Variants in RANBP2 observed in about 807,000 individuals in gnomAD.
The protein encoded by RANBP2 is RAN binding protein 2.
Under a neutral mutation model 303.6 loss-of-function variants are expected in RANBP2, and 57 were observed. The observed-to-expected ratio is 0.19, with a 90% CI of 0.15 to 0.23. The LOEUF is 0.23. Among genes scored for constraint, RANBP2 ranks in the 10% least tolerant of loss-of-function variants. RANBP2 has a pLI of 1.00. For missense variants in RANBP2, 3,138 were observed against 3,780.8 expected (o/e 0.83, Z 4.46); for synonymous variants, 1,167 against 1,301.5 (o/e 0.90, Z 2.23).
At chr2:108,768,899 G>A (rs1336256738) in intron 20 of RANBP2, among the ~76,000 whole-genome samples, 5 of 151,970 alleles carry the variant, frequency 3.3e-5, no homozygotes, top group Non-Finnish European at 5.9e-5. Context: ...CGGGCGTCGT[G>A]GTGCGTGCCT....
At chr2:109,716,469 C>T in the RANBP2 span, among the ~76,000 whole-genome samples, 2 of 152,100 alleles carry the variant, frequency 1.3e-5, no homozygotes, top group Non-Finnish European at 2.9e-5. Flanking sequence ...CCAGGCTGGT[C>T]TCAAACTCCT....
the RANBP2 span, among the ~76,000 whole-genome samples, chr2:108,841,185 T>C: frequency 6.6e-6 from 1 of 152,176 alleles, no homozygotes; most frequent in Non-Finnish European, 1.5e-5. Context: ...ACTCTGTTTT[T>C]CTAGTTTAGT....
the RANBP2 span, among the ~76,000 whole-genome samples, chr2:109,273,688 T>C: frequency 6.6e-5 from 10 of 152,164 alleles, no homozygotes; most frequent in Admixed American, 6.5e-4. Flanking sequence ...GGACACACGT[T>C]GTCAGGGACG....
the RANBP2 span, among the ~76,000 whole-genome samples, chr2:109,041,062 A>C: frequency 9.2e-5 from 14 of 152,296 alleles, no homozygotes; most frequent in African/African-American, 3.4e-4. Flanking sequence ...TCTCAAAAAT[A>C]AAATAAAAAT....
chr2:108,911,703 C>T, the RANBP2 span, among the ~76,000 whole-genome samples: 1 of 152,156 alleles, frequency 6.6e-6, no homozygotes. Context: ...TTCTCATTCT[C>T]TAAAATAACC....
the RANBP2 span, among the ~76,000 whole-genome samples, chr2:109,633,504 G>A: frequency 6.6e-6 from 1 of 152,194 alleles, no homozygotes; most frequent in African/African-American, 2.4e-5. Context: ...ATGATGCTGA[G>A]GCGCCCAGGG....
At chr2:109,391,961 G>A in the RANBP2 span, among the ~76,000 whole-genome samples, 1 of 152,058 alleles carries the variant, frequency 6.6e-6, no homozygotes, top group Non-Finnish European at 1.5e-5. Context: ...AGGACCACAG[G>A]TGCATGCCAC....
chr2:109,130,043 C>T, the RANBP2 span: 36 of 1,358,418 alleles, frequency 2.7e-5, no homozygotes, highest in East Asian at 6.2e-5. Context: ...GTTTTCCTCT[C>T]CGCGGCCGCG....
chr2:108,746,208 C>CTTTTTTTTTT (rs35544546), intron 7 of RANBP2, among the ~76,000 whole-genome samples: 3 of 90,562 alleles, frequency 3.3e-5, no homozygotes, highest in African/African-American at 5.4e-5. Context: ...ATGTCTGGCC[C>CTTTTTTTTTT]TTTTTTTTTT....
the RANBP2 span, among the ~76,000 whole-genome samples, chr2:109,367,216 G>A: frequency 1.7e-4 from 26 of 150,600 alleles, no homozygotes; most frequent in Admixed American, 6.6e-4. Context: ...TGCCTACTTC[G>A]GCCTACCAAA....
the RANBP2 span, among the ~76,000 whole-genome samples, chr2:108,865,482 G>A: frequency 6.6e-6 from 1 of 152,116 alleles, no homozygotes; most frequent in Non-Finnish European, 1.5e-5. Context: ...CTCTGTTGAT[G>A]TTTTTGTGCC....
At chr2:109,117,290 G>A in the RANBP2 span, among the ~76,000 whole-genome samples, 1 of 152,378 alleles carries the variant, frequency 6.6e-6, no homozygotes, top group African/African-American at 2.4e-5. Context: ...GCTCCACCCA[G>A]TTGGAGCTTC....
chr2:108,767,772 T>C lies in RANBP2; in HGVS notation c.7233T>C (p.Asp2411=), dbSNP rs751641605. Residue 2411 remains aspartate (D), a synonymous_variant, in exon 20 of 29, where the codon GAT becomes GAC. Transcript: ENST00000283195. ...TGTGGACTGCATGTGATTTTGCAGA[T>C]GGAGAAAGAAAAGTAGAGCATTTAG... ...VWLWTACDFA[D]GERKVEHLAV... 2 of 1,611,952 alleles carry C rather than the reference T, an allele frequency of 1.2e-6. No homozygotes were observed. The highest frequency in any genetic ancestry group is 8.5e-7 in the Non-Finnish European group (1 of 1,179,868).
the RANBP2 span, among the ~76,000 whole-genome samples, chr2:109,074,336 C>G: frequency 6.7e-6 from 1 of 150,356 alleles, no homozygotes; most frequent in Non-Finnish European, 1.5e-5. Flanking sequence ...CCACTGCACT[C>G]CAGCCTGGAC....
chr2:108,853,209 G>C, the RANBP2 span, among the ~76,000 whole-genome samples: 2 of 152,180 alleles, frequency 1.3e-5, no homozygotes, highest in African/African-American at 4.8e-5. Context: ...CATTGTTTTA[G>C]TCATTGTACT....
At chr2:109,777,286 A>G in the RANBP2 span, among the ~76,000 whole-genome samples, 1 of 148,836 alleles carries the variant, frequency 6.7e-6, no homozygotes, top group South Asian at 2.2e-4. Context: ...GCTTTTCTAC[A>G]TGTATTGAGA....
intron 1 of RANBP2, among the ~76,000 whole-genome samples, chr2:108,721,554 C>G (rs1440369548): frequency 3.3e-5 from 5 of 152,154 alleles, no homozygotes; most frequent in Non-Finnish European, 7.3e-5. Context: ...GATGCTCCCA[C>G]CTCAGTCTCC....
the RANBP2 span, among the ~76,000 whole-genome samples, chr2:109,231,989 G>A: frequency 1.3e-5 from 2 of 152,190 alleles, no homozygotes; most frequent in Non-Finnish European, 2.9e-5. Flanking sequence ...ATCCTTTTTA[G>A]TACTGATGTG....
chr2:109,628,595 G>A, the RANBP2 span, among the ~76,000 whole-genome samples: 8 of 152,096 alleles, frequency 5.3e-5, no homozygotes, highest in South Asian at 8.3e-4. Context: ...TTAAGCCTCC[G>A]TCATTTATAT....
Sources: allele counts gnomAD v4.1 joint callset (sites outside exome capture counted in the v4.1 genomes callset), GRCh38; gene constraint gnomAD v4.1.1; transcripts MANE v1.5; gene names NCBI Gene and HGNC (gene_info 2026-07-23, HGNC 2026-07-21).